Variants in NGFR observed in about 807,000 individuals in gnomAD.
NGFR encodes nerve growth factor receptor.
A neutral mutation model predicts 43.2 loss-of-function variants in NGFR; 30 were observed. The observed-to-expected ratio is 0.69, with a 90% CI of 0.52 to 0.94. NGFR has a LOEUF of 0.94. Among genes scored for constraint, NGFR ranks in the 40% least tolerant of loss-of-function variants. The pLI, the probability that NGFR is intolerant of heterozygous loss-of-function variation, is 0.00. For missense variants in NGFR, 529 were observed against 602.5 expected, an observed-to-expected ratio of 0.88 and a Z score of 1.28; for synonymous variants, 246 against 259.6, an observed-to-expected ratio of 0.95 and a Z score of 0.50.
intron 1 of NGFR, among the ~76,000 whole-genome samples, chr17:49,498,407 G>A (rs1567737456): frequency 6.6e-6 from 1 of 152,142 alleles, no homozygotes; most frequent in Non-Finnish European, 1.5e-5. Context: ...AGGGGTATGT[G>A]CCAGTGCCTC....
At chr17:49,500,349 T>G (rs561210508) in intron 1 of NGFR, among the ~76,000 whole-genome samples, 68 of 152,346 alleles carry the variant, frequency 4.5e-4, no homozygotes, top group Non-Finnish European at 7.5e-4. Context: ...TTTTCATGTA[T>G]TTCAACTCCA....
At chr17:49,507,020 G>T (rs1328030382) in intron 3 of NGFR, among the ~76,000 whole-genome samples, 1 of 152,178 alleles carries the variant, frequency 6.6e-6, no homozygotes, top group Admixed American at 6.5e-5. Flanking sequence ...CTCGAAGGTG[G>T]CCACTACCCC....
In NGFR at chr17:49,495,640, G is replaced by C; in HGVS notation, c.66+157G>C. On this transcript the variant is annotated intron_variant, in intron 1 of 5. Coordinates refer to ENST00000172229, the MANE Select transcript of NGFR (RefSeq NM_002507.4). This position sits in a 1 kb window ranked among gnomAD's most constrained non-coding sequence, Gnocchi z 6.4. ...CCTCTGATGCCGGGACCACGAAGGAGGGTCTAGGGTTCCCGGAGCGCAGAG... is the reference window on the plus strand; with the variant it reads ...CCTCTGATGCCGGGACCACGAAGGACGGTCTAGGGTTCCCGGAGCGCAGAG... 1 of 636,106 alleles carries C rather than the reference G, an allele frequency of 1.6e-6. No homozygotes were observed. Among genetic ancestry groups the C allele is most frequent in the Non-Finnish European group, 2.3e-6 (1 of 442,058 alleles). 39.4% of individuals were successfully genotyped at this position (636,106 alleles called of 1,614,324 possible).
At chr17:49,511,774 G>T (rs552714660) in intron 4 of NGFR, 118 bp from the exon 5 acceptor site, 4 of 1,227,892 alleles carry the variant, frequency 3.3e-6, no homozygotes, top group Non-Finnish European at 4.4e-6. Context: ...GTGGGGTGGC[G>T]GTTATAATTG....
chr17:49,510,529 C>T lies in NGFR; in HGVS notation c.686C>T (p.Ala229Val), dbSNP rs888476256. ...PEQDLIASTV[A>V]GVVTTVMGSS... The stretch of plus-strand genomic sequence containing the variant: ...CAAGACCTCATAGCCAGCACGGTGG[C>T]AGGTGTGGTGACCACAGTGATGGGC... The change falls in exon 4 of 6, where the codon GCA (alanine) becomes GTA (valine). Residue 229 changes from alanine to valine, a missense_variant. Ala to Val is a moderately conservative substitution (Grantham distance 64). Coordinates refer to ENST00000172229, the MANE Select transcript of NGFR (RefSeq NM_002507.4). 35 of 1,614,012 alleles carry T rather than the reference C, an allele frequency of 2.2e-5. No individual in the cohort carries two copies. The highest frequency in any genetic ancestry group is 2.9e-5 in the Non-Finnish European group (34 of 1,180,030).
chr17:49,502,522 G>A (rs2071172913), intron 2 of NGFR, among the ~76,000 whole-genome samples: 1 of 152,134 alleles, frequency 6.6e-6, no homozygotes, highest in African/African-American at 2.4e-5. Flanking sequence ...CTGATGCTAA[G>A]ACCAGCTAAA....
intron 1 of NGFR, among the ~76,000 whole-genome samples, chr17:49,500,747 C>A (rs1250429497): frequency 6.6e-6 from 1 of 152,190 alleles, no homozygotes; most frequent in Non-Finnish European, 1.5e-5. Flanking sequence ...CAAGGTTCCA[C>A]CTCCTCTGTT....
At chr17:49,510,313 G>A in intron 3 of NGFR, 99 bp from the exon 4 acceptor site, 2 of 1,531,630 alleles carry the variant, frequency 1.3e-6, no homozygotes, top group African/African-American at 1.4e-5. Flanking sequence ...AGAGCACCTG[G>A]AGCCAGGGCG....
intron 2 of NGFR, chr17:49,505,522 T>G (rs2071191452): frequency 6.6e-6 from 1 of 152,272 alleles, no homozygotes; most frequent in South Asian, 2.1e-4. Flanking sequence ...AGAATGAGCT[T>G]GGACATCTCC....
At chr17:49,497,771 G>C (rs989567387) in intron 1 of NGFR, 1 of 152,442 alleles carries the variant, frequency 6.6e-6, no homozygotes, top group Admixed American at 6.5e-5. Context: ...TGGCTAATGC[G>C]CCTAATAGGG....
Position 49,513,157 on chromosome 17 carries a change from A to G in NGFR, c.*148A>G. On this transcript the variant is annotated 3_prime_UTR_variant, in exon 6 of 6. Coordinates refer to ENST00000172229, the MANE Select transcript of NGFR (RefSeq NM_002507.4). The stretch of plus-strand genomic sequence containing the variant: ...GCAGGACCTCAGAGTCCAGGCCCCA[A>G]AACCACAGCCCTGTCAGTGCAGCCC... 1 of 810,350 alleles carries G rather than the reference A, an allele frequency of 1.2e-6. No homozygotes were observed. Among genetic ancestry groups the G allele is most frequent in the Middle Eastern group, 3.7e-4 (1 of 2,678 alleles). 50.2% of individuals were successfully genotyped at this position (810,350 alleles called of 1,614,324 possible). A position where few individuals can be genotyped will look rare whatever the true frequency, so the allele number is the denominator to read the frequency against.
chr17:49,506,786 C>G (rs2071202428), intron 3 of NGFR, 128 bp downstream of exon 3: 1 of 819,452 alleles, frequency 1.2e-6, no homozygotes, highest in Middle Eastern at 3.7e-4. Context: ...GACCTTGAGG[C>G]AGCGTGCACC....
Position 49,502,274 on chromosome 17 carries a change from C to G in NGFR, c.208+70C>G, listed in dbSNP as rs1055561948. 3.4e-6 allele frequency: 5 copies of G among 1,491,124 alleles called. No individual in the cohort carries two copies. The Admixed American group carries it at 9.2e-5, about 28-fold the overall frequency. 92.4% of individuals were successfully genotyped at this position (1,491,124 alleles called of 1,614,324 possible). On this transcript the variant is annotated intron_variant, in intron 2 of 5. Coordinates refer to ENST00000172229, the MANE Select transcript of NGFR (RefSeq NM_002507.4). ...GGAGGAGAGGGGTGAAAGGGAGGGG[C>G]GCTGGGGAGAAGCATGCCCAGTAGA...
intron 1 of NGFR, 55 bp from the exon 2 acceptor site, chr17:49,502,008 C>CA (rs2143427483): frequency 6.7e-6 from 5 of 743,180 alleles, no homozygotes; most frequent in Admixed American, 2.8e-5. Flanking sequence ...GAACCCCCCC[C>CA]AACCCACCCC....
chr17:49,495,586 A>T lies in NGFR; in HGVS notation c.66+103A>T. The T allele has an allele frequency of 1.0e-6, 1 of 986,152 alleles. No individual in the cohort carries two copies. The highest frequency in any genetic ancestry group is 1.3e-6 in the Non-Finnish European group (1 of 761,360). 61.1% of individuals were successfully genotyped at this position (986,152 alleles called of 1,614,324 possible). On this transcript the variant is annotated intron_variant, in intron 1 of 5. Transcript: ENST00000172229. This position sits in a 1 kb window ranked among gnomAD's most constrained non-coding sequence, Gnocchi z 6.4. ...AAACAGAACAGAGCATTGGGGTCCC[A>T]GATACTGAGGGTGGGTGGTGGGAAA...
At position 49,495,526 on chromosome 17, in the gene NGFR, A is replaced by C; in HGVS notation, c.66+43A>C. On this transcript the variant is annotated intron_variant, in intron 1 of 5. Transcript: ENST00000172229. The surrounding 1 kb of genome is among the most constrained non-coding windows in gnomAD (Gnocchi z 6.4). ...GGGGCCCGCTCCCTTTCCCGGGATC[A>C]GAACTCCGAGAAGAGCCGGGCGCCG... is the stretch of plus-strand genomic sequence containing the variant. 8.2e-7 allele frequency: 1 copy of C among 1,218,902 alleles called. No individual in the cohort carries two copies. The highest frequency in any genetic ancestry group is 1.0e-6 in the Non-Finnish European group (1 of 973,596). The allele number at this position is 1,218,902 out of a possible 1,614,324, so 75.5% of individuals were successfully genotyped here. A position where few individuals can be genotyped will look rare whatever the true frequency, so the allele number is the denominator to read the frequency against.
At position 49,495,483 on chromosome 17, in the gene NGFR, G is replaced by A. The variant is rs2071133212; in HGVS notation, c.66G>A (p.Gly22=). Reference sequence around the variant, plus strand: ...GCCTGCTGCTGTTGCTGCTTCTGGGGGTGAGTGTTAGCCGGAGGGGGCCCG... The same window carrying A: ...GCCTGCTGCTGTTGCTGCTTCTGGGAGTGAGTGTTAGCCGGAGGGGGCCCG... ...GPRLLLLLLL[G]VSLGGAKEAC... is the part of the protein sequence containing the mutation. The change falls in exon 1 of 6, where the codon GGG becomes GGA. Residue 22 remains glycine (G), a splice_region_variant and synonymous_variant. Transcript: ENST00000172229. This position sits in a 1 kb window ranked among gnomAD's most constrained non-coding sequence, Gnocchi z 6.4. The A allele has an allele frequency of 8.1e-7, 1 of 1,237,166 alleles. No homozygotes were observed. The highest frequency in any genetic ancestry group is 1.0e-6 in the Non-Finnish European group (1 of 988,886). 76.6% of individuals were successfully genotyped at this position (1,237,166 alleles called of 1,614,324 possible).
At chr17:49,502,475 G>T (rs1286105945) in intron 2 of NGFR, among the ~76,000 whole-genome samples, 1 of 152,170 alleles carries the variant, frequency 6.6e-6, no homozygotes, top group Non-Finnish European at 1.5e-5. Flanking sequence ...GAAGGCAGAG[G>T]CTTGGTAGAA....
intron 3 of NGFR, among the ~76,000 whole-genome samples, chr17:49,508,674 G>A (rs963485234): frequency 6.6e-6 from 1 of 152,174 alleles, no homozygotes; most frequent in African/African-American, 2.4e-5. Context: ...CATGCAGCCC[G>A]GAAATGGCTG....
Sources: gnomAD v4.1 joint callset for allele counts (sites outside exome capture counted in the v4.1 genomes callset) on GRCh38, gnomAD v4.1.1 for gene constraint, Gnocchi (gnomAD v3.1) non-coding constraint, MANE v1.5 for transcripts, NCBI Gene and HGNC (gene_info 2026-07-23, HGNC 2026-07-21) for gene names.